The following IL31RA variants were observed in gnomAD, a reference collection of about 807,000 sequenced individuals.
IL31RA encodes interleukin-31 receptor subunit alpha.
In IL31RA, 66 loss-of-function variants were observed where a neutral mutation model predicts 83.7. The observed-to-expected ratio is 0.79, with a 90% CI of 0.65 to 0.97. The LOEUF (loss-of-function observed/expected upper bound fraction) is 0.97, where lower values mean the gene tolerates loss of function less well. Ranked by LOEUF, IL31RA falls within the 50% of genes least tolerant of loss-of-function variation. The pLI, the probability that IL31RA is intolerant of heterozygous loss-of-function variation, is 0.00. For synonymous variants in IL31RA, 325 were observed against 329.0 expected (o/e 0.99, Z 0.13); for missense variants, 798 against 919.4 (o/e 0.87, Z 1.71).
chr5:55,899,783 G>A, intron 7 of IL31RA, 133 bp from the exon 8 acceptor site: 1 of 711,764 alleles, frequency 1.4e-6, no homozygotes, highest in Non-Finnish European at 2.6e-6. Context: ...TCCCTGGAGG[G>A]TAATTACCTG....
chr5:55,864,549 A>C (rs1488353251), intron 2 of IL31RA, among the ~76,000 whole-genome samples: 1 of 150,830 alleles, frequency 6.6e-6, no homozygotes, highest in Non-Finnish European at 1.5e-5. Flanking sequence ...CACACACTAC[A>C]CACACCACAC....
chr5:55,904,043 A>G (rs1748981886), intron 8 of IL31RA, among the ~76,000 whole-genome samples: 1 of 152,168 alleles, frequency 6.6e-6, no homozygotes, highest in African/African-American at 2.4e-5. Context: ...CAGTCTTCAC[A>G]TGGCTAGCTT....
intron 4 of IL31RA, among the ~76,000 whole-genome samples, chr5:55,876,134 G>A (rs375270551): frequency 4.6e-5 from 7 of 152,236 alleles, no homozygotes; most frequent in East Asian, 3.9e-4. Context: ...TTGGGCTGGC[G>A]CGGTGGCTCA....
At position 55,919,025 on chromosome 5, in the gene IL31RA, G is replaced by GC. The variant is rs1484441288; in HGVS notation, c.*1905_*1906insC. Among the ~76,000 whole-genome samples, 1 of 151,134 alleles carries GC rather than the reference G, an allele frequency of 6.6e-6. No individual in the cohort carries two copies. The highest frequency in any genetic ancestry group is 2.4e-5 in the African/African-American group (1 of 41,404). On this transcript the variant is annotated 3_prime_UTR_variant, in exon 15 of 15. Coordinates refer to ENST00000652347, the MANE Select transcript of IL31RA (RefSeq NM_139017.7). ...GATGTCTGCTCTCCCTGCTCTCCCT[G>GC]TTCTCCACCCCTTCTATGGTGTGGG...
At position 55,903,007 on chromosome 5, in the gene IL31RA, G is replaced by A. The variant is rs1202915502; in HGVS notation, c.1069+2875G>A. ...CAACCTTAGATGTGTTATTCATAAAGTGACTTGAATTCCGGTCACAGATGC... is the reference window on the plus strand; with the variant it reads ...CAACCTTAGATGTGTTATTCATAAAATGACTTGAATTCCGGTCACAGATGC... On this transcript the variant is annotated intron_variant, in intron 8 of 14. Coordinates refer to ENST00000652347, the MANE Select transcript of IL31RA (RefSeq NM_139017.7). The surrounding 1 kb of genome is among the most constrained non-coding windows in gnomAD (Gnocchi z 4.7). 1.3e-5 allele frequency among the ~76,000 whole-genome samples: 2 copies of A among 152,212 alleles called. No individual in the cohort carries two copies. Among genetic ancestry groups the A allele is most frequent in the African/African-American group, 4.8e-5 (2 of 41,466 alleles).
At chr5:55,849,850 A>C (rs1324665638), upstream of IL31RA, among the ~76,000 whole-genome samples, 1 of 152,120 alleles carries the variant, frequency 6.6e-6, no homozygotes, top group Non-Finnish European at 1.5e-5. Flanking sequence ...GTTTTGGCTT[A>C]TGCTCTTGTT....
chr5:55,904,081 A>T (rs993597904), intron 8 of IL31RA, among the ~76,000 whole-genome samples: 1 of 152,062 alleles, frequency 6.6e-6, no homozygotes, highest in Non-Finnish European at 1.5e-5. Context: ...CCATGCCCAG[A>T]TTCCTCTTTT....
At chr5:55,850,782 C>T (rs758355076), upstream of IL31RA, among the ~76,000 whole-genome samples, 2 of 152,162 alleles carry the variant, frequency 1.3e-5, no homozygotes, top group African/African-American at 2.4e-5. Context: ...TCAATAAAAT[C>T]GCCACAAACA....
At chr5:55,902,051 G>A (rs1148035) in intron 8 of IL31RA, among the ~76,000 whole-genome samples, 47,767 of 151,920 alleles carry the variant, frequency 0.31, 7,763 homozygotes, top group African/African-American at 0.38. Context: ...TGTCAGATAC[G>A]ACTGTGTGAT....
At position 55,914,932 on chromosome 5, in the gene IL31RA, A is replaced by T. The variant is rs1161202082; in HGVS notation, c.1818+4A>T. 6.2e-7 allele frequency: 1 copy of T among 1,603,266 alleles called. No homozygotes were observed. The highest frequency in any genetic ancestry group is 2.2e-5 in the East Asian group (1 of 44,830). On this transcript the variant is annotated splice_donor_region_variant and intron_variant, in intron 14 of 14. Transcript: ENST00000652347. ...ATGGCATGGAGATGATTTCAAGGTAAACTCTCCTGTTTTTATTAAGGAAAT... is the reference window on the plus strand; with the variant it reads ...ATGGCATGGAGATGATTTCAAGGTATACTCTCCTGTTTTTATTAAGGAAAT...
intron 5 of IL31RA, among the ~76,000 whole-genome samples, chr5:55,888,049 A>AC (rs999803556): frequency 1.9e-4 from 29 of 152,040 alleles, no homozygotes; most frequent in African/African-American, 6.8e-4. Flanking sequence ...GGGAAAAAAA[A>AC]AAAAACAAAA....
chr5:55,858,089 G>A (rs1434342444), intron 1 of IL31RA, among the ~76,000 whole-genome samples: 1 of 151,796 alleles, frequency 6.6e-6, no homozygotes, highest in Admixed American at 6.6e-5. Context: ...TTATTGTAAA[G>A]GAGTCAAGCA....
At chr5:55,900,165 C>T in intron 8 of IL31RA, 33 bp downstream of exon 8, 1 of 1,482,712 alleles carries the variant, frequency 6.7e-7, no homozygotes, top group Non-Finnish European at 9.4e-7. Context: ...CCTTAGGTGC[C>T]TGGTCCCATC....
At chr5:55,851,186 C>A (rs1379383996), upstream of IL31RA, among the ~76,000 whole-genome samples, 1 of 152,064 alleles carries the variant, frequency 6.6e-6, no homozygotes, top group African/African-American at 2.4e-5. Flanking sequence ...CTGGTCACAA[C>A]ATTTTTGTCA....
chr5:55,880,152 A>G (rs150996731), intron 4 of IL31RA, among the ~76,000 whole-genome samples: 1,883 of 152,314 alleles, frequency 0.012, 17 homozygotes, highest in Middle Eastern at 0.041. Context: ...TGCTCAATAC[A>G]TATAAATAAT....
Position 55,903,708 on chromosome 5 carries a change from A to G in IL31RA, c.1070-2398A>G, listed in dbSNP as rs952126057. On this transcript the variant is annotated intron_variant, in intron 8 of 14. Transcript: ENST00000652347. The surrounding 1 kb of genome is among the most constrained non-coding windows in gnomAD (Gnocchi z 4.7). Reference sequence around the variant, plus strand: ...CCAACACTGGCTTCTTCAGGCCAGGATTTGTGGGCAATCATTTTTTAAAAA... The same window carrying G: ...CCAACACTGGCTTCTTCAGGCCAGGGTTTGTGGGCAATCATTTTTTAAAAA... Among the ~76,000 whole-genome samples, 2 of 152,192 alleles carry G rather than the reference A, an allele frequency of 1.3e-5. No homozygotes were observed. The highest frequency in any genetic ancestry group is 2.4e-5 in the African/African-American group (1 of 41,446).
intron 4 of IL31RA, among the ~76,000 whole-genome samples, chr5:55,877,981 C>A (rs924131113): frequency 1.3e-5 from 2 of 152,126 alleles, no homozygotes; most frequent in African/African-American, 4.8e-5. Flanking sequence ...TGGCTTGATC[C>A]TGTTCCACAG....
At chr5:55,873,975 A>G (rs1422682376) in intron 4 of IL31RA, among the ~76,000 whole-genome samples, 1 of 152,094 alleles carries the variant, frequency 6.6e-6, no homozygotes, top group African/African-American at 2.4e-5. Flanking sequence ...CTGAGGTCAG[A>G]AAGATTTACT....
chr5:55,846,419 C>T (rs1331949551), upstream of IL31RA, among the ~76,000 whole-genome samples: 3 of 152,140 alleles, frequency 2.0e-5, no homozygotes, highest in Non-Finnish European at 4.4e-5. Context: ...TACATTTTAA[C>T]TGGGAATGTT....
Sources: gnomAD v4.1 joint callset for allele counts (sites outside exome capture counted in the v4.1 genomes callset) on GRCh38, gnomAD v4.1.1 for gene constraint, Gnocchi (gnomAD v3.1) non-coding constraint, MANE v1.5 for transcripts, NCBI Gene and HGNC (gene_info 2026-07-23, HGNC 2026-07-21) for gene names.